The following NR2C1 variants were observed in gnomAD, a reference collection of about 807,000 sequenced individuals.
NR2C1 encodes nuclear receptor subfamily 2 group C member 1.
In NR2C1, 33 loss-of-function variants were observed where a neutral mutation model predicts 74.8. The ratio of observed to expected loss-of-function variants is 0.44; its 90% CI spans 0.33 to 0.59. NR2C1 has a LOEUF of 0.59. Ranked by LOEUF, NR2C1 falls within the 20% of genes least tolerant of loss-of-function variation. The pLI, the probability that NR2C1 is intolerant of heterozygous loss-of-function variation, is 0.02. For missense variants in NR2C1, 568 were observed against 715.6 expected, an observed-to-expected ratio of 0.79 and a Z score of 2.35; for synonymous variants, 225 against 240.6, an observed-to-expected ratio of 0.94 and a Z score of 0.60.
intron 10 of NR2C1, among the ~76,000 whole-genome samples, 181 bp from the exon 11 acceptor site, chr12:95,031,669 C>T (rs1364977926): frequency 6.6e-6 from 1 of 152,176 alleles, no homozygotes; most frequent in South Asian, 2.1e-4. Context: ...AATGCTTAGG[C>T]ATTTAAATAG....
At chr12:95,048,682 T>C (rs1379648159) in intron 9 of NR2C1, among the ~76,000 whole-genome samples, 1 of 147,618 alleles carries the variant, frequency 6.8e-6, no homozygotes, top group African/African-American at 2.5e-5. Flanking sequence ...TGGAGTGCAA[T>C]GGCGTGATCT....
chr12:95,054,569 GCTGGGATAC>G (rs879766870), intron 7 of NR2C1, among the ~76,000 whole-genome samples: 2 of 152,086 alleles, frequency 1.3e-5, no homozygotes, highest in Non-Finnish European at 2.9e-5. Context: ...CTCCTGAGCT[GCTGGGATAC>G]AGGCTTGAGC....
At chr12:95,065,541 C>T (rs1875554508) in intron 2 of NR2C1, among the ~76,000 whole-genome samples, 1 of 151,990 alleles carries the variant, frequency 6.6e-6, no homozygotes. Flanking sequence ...TGTTTTGATA[C>T]AGGCAGGCAA....
chr12:95,045,905 C>A (rs2136140731), intron 9 of NR2C1, among the ~76,000 whole-genome samples: 1 of 152,126 alleles, frequency 6.6e-6, no homozygotes, highest in East Asian at 1.9e-4. Flanking sequence ...GTGATGCAAT[C>A]TTGGCTCACG....
intron 3 of NR2C1, among the ~76,000 whole-genome samples, chr12:95,061,564 T>C (rs1470581084): frequency 6.6e-6 from 1 of 152,222 alleles, no homozygotes; most frequent in African/African-American, 2.4e-5. Flanking sequence ...TGTATCCACT[T>C]TCTACCTTTA....
intron 2 of NR2C1, among the ~76,000 whole-genome samples, chr12:95,066,609 A>G (rs1301082194): frequency 6.6e-6 from 1 of 152,210 alleles, no homozygotes; most frequent in Non-Finnish European, 1.5e-5. Flanking sequence ...AAACTATATT[A>G]AAATCTGTTG....
chr12:95,027,214 C>A (rs71458573), intron 12 of NR2C1, among the ~76,000 whole-genome samples: 2 of 152,196 alleles, frequency 1.3e-5, no homozygotes, highest in South Asian at 4.1e-4. Flanking sequence ...ACCAGCACAT[C>A]CAGCTAATTT....
chr12:95,025,229 G>T lies in NR2C1; in HGVS notation c.1558C>A (p.Gln520Lys). Reference protein sequence around the residue: ...PDHPSLENMEQIEKFQEKAYV... With the variant: ...PDHPSLENMEKIEKFQEKAYV... Reference sequence around the variant, plus strand: ...GCCTTTTCCTGAAATTTCTCTATCTGTTCCATGTTTTCTAGGCTTGGATGA... The same window carrying T: ...GCCTTTTCCTGAAATTTCTCTATCTTTTCCATGTTTTCTAGGCTTGGATGA... Residue 520 changes from glutamine to lysine, a missense_variant, in exon 13 of 14, where the codon CAG (glutamine) becomes AAG (lysine). This residue lies in a region of NR2C1 where 117 missense variants were observed against 186.7 expected (regional missense o/e 0.63). Coordinates refer to ENST00000333003, the MANE Select transcript of NR2C1 (RefSeq NM_003297.4). 1 of 1,602,104 alleles carries T rather than the reference G, an allele frequency of 6.2e-7. No homozygotes were observed. Among genetic ancestry groups the T allele is most frequent in the Non-Finnish European group, 8.5e-7 (1 of 1,171,728 alleles).
chr12:95,056,418 AAACT>A (rs1873878409), intron 7 of NR2C1, among the ~76,000 whole-genome samples: 1 of 152,184 alleles, frequency 6.6e-6, no homozygotes, highest in African/African-American at 2.4e-5. Context: ...TTAAATAAAC[AAACT>A]GTTTTTCCTT....
At chr12:95,052,381 C>T (rs1380041805) in intron 7 of NR2C1, among the ~76,000 whole-genome samples, 1 of 152,204 alleles carries the variant, frequency 6.6e-6, no homozygotes, top group Non-Finnish European at 1.5e-5. Context: ...GTCTTGATCT[C>T]CTGACCTCAT....
Position 95,051,962 on chromosome 12 carries a change from T to A in NR2C1, c.784-19A>T. The A allele has an allele frequency of 6.6e-7, 1 of 1,517,116 alleles. No individual in the cohort carries two copies. The highest frequency in any genetic ancestry group is 8.8e-7 in the Non-Finnish European group (1 of 1,130,236). 94.0% of individuals were successfully genotyped at this position (1,517,116 alleles called of 1,614,324 possible). On this transcript the variant is annotated intron_variant, in intron 7 of 13. Transcript: ENST00000333003. ...ATTCAGCCTTTAAAAAAAAGGGTAT[T>A]AAAATTCTGTGAATTGGTATCACTA... is the stretch of plus-strand genomic sequence containing the variant.
chr12:95,056,681 G>A (rs1873928292), intron 7 of NR2C1, among the ~76,000 whole-genome samples: 1 of 152,230 alleles, frequency 6.6e-6, no homozygotes, highest in East Asian at 1.9e-4. Flanking sequence ...TTGTACGGCT[G>A]GGCGTGCTGG....
At chr12:95,066,220 G>C (rs1204066903) in intron 2 of NR2C1, among the ~76,000 whole-genome samples, 1 of 152,108 alleles carries the variant, frequency 6.6e-6, no homozygotes, top group South Asian at 2.1e-4. Flanking sequence ...GTTATAACAA[G>C]GCTGGGCACA....
chr12:95,057,688 G>A, intron 6 of NR2C1, 43 bp downstream of exon 6: 1 of 1,612,522 alleles, frequency 6.2e-7, no homozygotes, highest in Non-Finnish European at 8.5e-7. Context: ...TCATTGGGAA[G>A]AAAAACAAAA....
In NR2C1 at chr12:95,020,870, A is replaced by G. The variant is rs1041129626; in HGVS notation, c.*1359T>C. On this transcript the variant is annotated 3_prime_UTR_variant, in exon 14 of 14. Transcript: ENST00000333003. ...AACAAGGCTTCAGGCTGATTCTTAT[A>G]CTGTTGTTAAAGCAGCCCTCCCGTG... 6.6e-6 allele frequency: 1 copy of G among 152,208 alleles called. No homozygotes were observed. Among genetic ancestry groups the G allele is most frequent in the Non-Finnish European group, 1.5e-5 (1 of 68,030 alleles). 9.4% of individuals were successfully genotyped at this position (152,208 alleles called of 1,614,324 possible).
At chr12:95,026,662 T>C (rs1043620191) in intron 12 of NR2C1, among the ~76,000 whole-genome samples, 5 of 152,154 alleles carry the variant, frequency 3.3e-5, no homozygotes, top group Non-Finnish European at 2.9e-5. Context: ...ATAAGAAACA[T>C]TAGAAGAAAT....
chr12:95,064,989 G>A (rs1018021721), intron 2 of NR2C1, among the ~76,000 whole-genome samples: 1 of 152,148 alleles, frequency 6.6e-6, no homozygotes, highest in Non-Finnish European at 1.5e-5. Context: ...AGCATTTGGC[G>A]CATTCATGGT....
intron 11 of NR2C1, chr12:95,030,592 T>A: frequency 6.2e-7 from 1 of 1,613,348 alleles, no homozygotes; most frequent in Non-Finnish European, 8.5e-7. Flanking sequence ...TTCTAGTAGA[T>A]CTATTTTTGA....
chr12:95,022,056 C>T lies in NR2C1; in HGVS notation c.*173G>A. The T allele has an allele frequency of 4.3e-6, 2 of 467,724 alleles. No individual in the cohort carries two copies. The highest frequency in any genetic ancestry group is 3.5e-5 in the East Asian group (1 of 28,300). 29.0% of individuals were successfully genotyped at this position (467,724 alleles called of 1,614,324 possible). ...GGAAGAAAAATTCATTTAATTTCTG[C>T]TGCCTGCCCAGTCACTTCAAAAATT... On this transcript the variant is annotated 3_prime_UTR_variant, in exon 14 of 14. Transcript: ENST00000333003.
Sources: gnomAD v4.1 joint callset for allele counts (sites outside exome capture counted in the v4.1 genomes callset) on GRCh38, gnomAD v4.1.1 for gene constraint, gnomAD v4.1.1 regional missense constraint, MANE v1.5 for transcripts, NCBI Gene and HGNC (gene_info 2026-07-23, HGNC 2026-07-21) for gene names.